Variants in PDZRN3 observed in about 807,000 individuals in gnomAD.
PDZRN3 encodes the protein PDZ domain containing ring finger 3.
PDZRN3 carries 38 observed loss-of-function variants against 85.7 expected under a neutral mutation model. The observed-to-expected ratio is 0.44, with a 90% confidence interval of 0.34 to 0.58. The LOEUF (loss-of-function observed/expected upper bound fraction) is 0.58, where lower values mean the gene tolerates loss of function less well. Ranked by LOEUF, PDZRN3 falls within the 20% of genes least tolerant of loss-of-function variation. The probability of loss-of-function intolerance (pLI) is 0.01; values close to 1 mark genes in which losing one functional copy is unlikely to be tolerated. For synonymous variants in PDZRN3, 759 were observed against 638.0 expected (o/e 1.19, Z -2.86); for missense variants, 1,629 against 1,506.4 (o/e 1.08, Z -1.35).
intron 3 of PDZRN3, among the ~76,000 whole-genome samples, chr3:73,505,647 A>G (rs1450528162): frequency 6.6e-6 from 1 of 152,184 alleles, no homozygotes; most frequent in Non-Finnish European, 1.5e-5. Context: ...TATACATATT[A>G]CTAAGTAACT....
intron 3 of PDZRN3, among the ~76,000 whole-genome samples, chr3:73,467,608 C>T (rs569378329): frequency 1.2e-4 from 18 of 152,200 alleles, no homozygotes; most frequent in African/African-American, 2.9e-4. Context: ...AGTCTCAGTT[C>T]GGTGCTGCTA....
At chr3:73,536,350 T>C (rs757725263) in intron 3 of PDZRN3, among the ~76,000 whole-genome samples, 4 of 152,230 alleles carry the variant, frequency 2.6e-5, no homozygotes, top group Non-Finnish European at 5.9e-5. Context: ...AGGATGGAAA[T>C]GGTGGAGTGT....
At chr3:73,476,150 T>C (rs1024517632) in intron 3 of PDZRN3, among the ~76,000 whole-genome samples, 7 of 152,140 alleles carry the variant, frequency 4.6e-5, no homozygotes, top group African/African-American at 1.4e-4. Context: ...CGTTCTTGCA[T>C]TGCTATAAGG....
At chr3:73,566,471 C>T (rs1701952296) in intron 3 of PDZRN3, among the ~76,000 whole-genome samples, 1 of 152,130 alleles carries the variant, frequency 6.6e-6, no homozygotes. Context: ...AAGAACCACT[C>T]CTTTGTCCTG....
chr3:73,462,375 G>A (rs1559692463), intron 3 of PDZRN3, among the ~76,000 whole-genome samples: 1 of 151,860 alleles, frequency 6.6e-6, no homozygotes, highest in African/African-American at 2.4e-5. Context: ...AACCCTGTCT[G>A]TACTAAAAAT....
rs1196742342 is a variant in PDZRN3 at position 73,569,546 on chromosome 3, C to T, written c.918+32808G>A. The T allele has an allele frequency of 7.6e-6, 8 of 1,055,600 alleles. No homozygotes were observed. The African/African-American group carries it at 8.5e-5, about 11-fold the overall frequency. 65.4% of individuals were successfully genotyped at this position (1,055,600 alleles called of 1,614,324 possible). ...CTCCTCAGTGAAGCTTTCTCAGAAG[C>T]CTCCCACCCCCACACCCGCACACAC... On this transcript the variant is annotated intron_variant, in intron 3 of 9. Coordinates refer to ENST00000263666, the MANE Select transcript of PDZRN3 (RefSeq NM_015009.3).
intron 3 of PDZRN3, among the ~76,000 whole-genome samples, chr3:73,456,940 A>G (rs768290319): frequency 2.9e-4 from 31 of 106,866 alleles, no homozygotes; most frequent in Non-Finnish European, 5.2e-4. Flanking sequence ...GAGTAGGGGG[A>G]AAAAAAAAAC....
At chr3:73,400,714 C>T (rs1356945503) in intron 5 of PDZRN3, among the ~76,000 whole-genome samples, 2 of 152,212 alleles carry the variant, frequency 1.3e-5, no homozygotes, top group Non-Finnish European at 2.9e-5. Context: ...GTTTACATTT[C>T]TGCTTTTGGG....
intron 6 of PDZRN3, among the ~76,000 whole-genome samples, chr3:73,390,614 ACTC>A (rs1209907333): frequency 1.3e-5 from 2 of 149,738 alleles, no homozygotes; most frequent in African/African-American, 5.0e-5. Context: ...AACTATATAT[ACTC>A]CACCAAGAGA....
chr3:73,389,939 ACTTTCAAAACC>A, intron 6 of PDZRN3, 61 bp from the exon 7 acceptor site: 1 of 1,170,680 alleles, frequency 8.5e-7, no homozygotes, highest in Non-Finnish European at 1.3e-6. Context: ...AAGCAACAGC[ACTTTCAAAACC>A]ATTTCTAAAA....
rs1459913866 is a variant in PDZRN3, at chr3:73,383,498, T to C, written c.3068A>G (p.Lys1023Arg). Residue 1023 changes from lysine (K) to arginine (R), a missense_variant, in exon 10 of 10, where the codon AAA becomes AGA. Lys to Arg is a conservative substitution (Grantham distance 26, BLOSUM62 2). Coordinates refer to ENST00000263666, the MANE Select transcript of PDZRN3 (RefSeq NM_015009.3). ...CTTATTCCTCTTCTTCATCATCTTT[T>C]TGTGGCTCAGTTCGAGAATGTTCAT... ...KEMNILELSH[K>R]KMMKKRNKKI... The C allele has an allele frequency of 6.2e-7, 1 of 1,614,178 alleles. No homozygotes were observed. The highest frequency in any genetic ancestry group is 2.2e-5 in the East Asian group (1 of 44,874).
Position 73,404,454 on chromosome 3 carries a change from A to G in PDZRN3, c.919-59T>C. 2.6e-6 allele frequency: 4 copies of G among 1,531,130 alleles called. No individual in the cohort carries two copies. The South Asian group carries it at 5.0e-5, about 19-fold the overall frequency. The allele number at this position is 1,531,130 out of a possible 1,614,324, so 94.8% of individuals were successfully genotyped here. On this transcript the variant is annotated intron_variant, in intron 3 of 9. Coordinates refer to ENST00000263666, the MANE Select transcript of PDZRN3 (RefSeq NM_015009.3). Reference sequence around the variant, plus strand: ...GAATAAAGCAGAAAACGGAAGGACAAATACATGAATTGCCTGCTTTCATGT... The same window carrying G: ...GAATAAAGCAGAAAACGGAAGGACAGATACATGAATTGCCTGCTTTCATGT...
intron 3 of PDZRN3, among the ~76,000 whole-genome samples, chr3:73,454,303 G>C (rs1369674721): frequency 1.3e-5 from 2 of 152,132 alleles, no homozygotes; most frequent in African/African-American, 2.4e-5. Context: ...GAGAAACTTG[G>C]AGTAGGGAGA....
intron 3 of PDZRN3, among the ~76,000 whole-genome samples, chr3:73,460,053 G>A (rs1254732681): frequency 2.0e-5 from 3 of 152,120 alleles, no homozygotes; most frequent in Non-Finnish European, 2.9e-5. Context: ...CATTATGGGG[G>A]CTTTTAAAAT....
At chr3:73,488,974 G>A (rs147565296) in intron 3 of PDZRN3, among the ~76,000 whole-genome samples, 1 of 152,332 alleles carries the variant, frequency 6.6e-6, no homozygotes, top group African/African-American at 2.4e-5. Flanking sequence ...CAGTGCCACA[G>A]TGTGTTCGAT....
intron 1 of PDZRN3, among the ~76,000 whole-genome samples, chr3:73,613,726 C>T (rs1702717637): frequency 6.6e-6 from 1 of 152,080 alleles, no homozygotes; most frequent in South Asian, 2.1e-4. Flanking sequence ...GAGTTCTCAA[C>T]AGAACCTGGG....
chr3:73,462,780 G>A (rs1157279269), intron 3 of PDZRN3, among the ~76,000 whole-genome samples: 1 of 152,008 alleles, frequency 6.6e-6, no homozygotes, highest in African/African-American at 2.4e-5. Context: ...CCAGATACAG[G>A]GACCACCCTA....
At chr3:73,453,424 C>CAAAAAAAAAA (rs372949149) in intron 3 of PDZRN3, among the ~76,000 whole-genome samples, 2 of 96,796 alleles carry the variant, frequency 2.1e-5, no homozygotes, top group African/African-American at 9.2e-5. Context: ...AAAAAAAAAA[C>CAAAAAAAAAA]AAAAAAAAAA....
chr3:73,401,411 C>T (rs62248606), intron 4 of PDZRN3, among the ~76,000 whole-genome samples: 3,051 of 152,262 alleles, frequency 0.02, 40 homozygotes, highest in Non-Finnish European at 0.028. Context: ...GCCCAGGCAA[C>T]AGTCTAAGAT....
Sources: allele counts gnomAD v4.1 joint callset (sites outside exome capture counted in the v4.1 genomes callset), GRCh38; gene constraint gnomAD v4.1.1; transcripts MANE v1.5; gene names NCBI Gene and HGNC (gene_info 2026-07-23, HGNC 2026-07-21).